DMC1: variants seen among roughly 807,000 people sequenced by gnomAD.
DMC1 encodes meiotic recombination protein DMC1 homolog.
In DMC1, 27 loss-of-function variants were observed where a neutral mutation model predicts 50.1. That is an observed-to-expected ratio of 0.54 (90% CI 0.40 to 0.74). The LOEUF is 0.74. Among genes scored for constraint, DMC1 ranks in the 30% least tolerant of loss-of-function variants. DMC1 has a pLI of 0.00. For missense variants in DMC1, 295 were observed against 420.2 expected, an observed-to-expected ratio of 0.70 and a Z score of 2.60; for synonymous variants, 148 against 136.1, an observed-to-expected ratio of 1.09 and a Z score of -0.61.
chr22:38,514,352 C>A (rs1304432641), downstream of DMC1, among the ~76,000 whole-genome samples: 1 of 137,906 alleles, frequency 7.3e-6, no homozygotes, highest in Non-Finnish European at 1.5e-5. Context: ...TCAAGCGATT[C>A]TTCTGCCTCA....
intron 6 of DMC1, among the ~76,000 whole-genome samples, chr22:38,554,680 A>T (rs966404694): frequency 3.4e-5 from 5 of 148,152 alleles, no homozygotes; most frequent in African/African-American, 4.9e-5. Context: ...TCTATTATTT[A>T]AAAAAAAAAA....
At chr22:38,565,396 G>A (rs565067480) in intron 4 of DMC1, among the ~76,000 whole-genome samples, 2 of 152,292 alleles carry the variant, frequency 1.3e-5, no homozygotes, top group Admixed American at 6.5e-5. Context: ...CCATTGCTAT[G>A]GCAACACCTG....
Position 38,540,036 on chromosome 22 carries a change from G to A in DMC1, c.495-624C>T, listed in dbSNP as rs2090263143. Among the ~76,000 whole-genome samples, 4 of 152,192 alleles carry A rather than the reference G, an allele frequency of 2.6e-5. No individual in the cohort carries two copies. In the South Asian group the frequency reaches 8.3e-4, roughly 32 times the overall value. On this transcript the variant is annotated intron_variant, in intron 8 of 13. Transcript: ENST00000216024. ...TTCAAGGGCCCAGAAGAGAAATATC[G>A]ACCAAAGGTTTTTTGTTGGCATAGG...
chr22:38,560,798 C>T (rs758772311), intron 5 of DMC1, among the ~76,000 whole-genome samples: 1 of 152,100 alleles, frequency 6.6e-6, no homozygotes, highest in South Asian at 2.1e-4. Context: ...CTTCAACAAT[C>T]GTCAACTATG....
At chr22:38,524,508 C>T (rs1292644380) in intron 12 of DMC1, among the ~76,000 whole-genome samples, 9 of 152,234 alleles carry the variant, frequency 5.9e-5, no homozygotes, top group East Asian at 3.9e-4. Flanking sequence ...TCAACTTCTT[C>T]TTTCTGTCCA....
chr22:38,513,967 G>A (rs959468074), downstream of DMC1, among the ~76,000 whole-genome samples: 2 of 152,230 alleles, frequency 1.3e-5, no homozygotes, highest in South Asian at 4.1e-4. Context: ...ACTGTGTGGG[G>A]AAGGCCTGTT....
intron 8 of DMC1, among the ~76,000 whole-genome samples, chr22:38,541,543 C>A (rs1241452742): frequency 6.6e-6 from 1 of 152,194 alleles, no homozygotes; most frequent in African/African-American, 2.4e-5. Flanking sequence ...CCACCCACCT[C>A]GGCCTCTCAA....
At chr22:38,547,873 C>T (rs2090361262) in intron 8 of DMC1, among the ~76,000 whole-genome samples, 1 of 152,092 alleles carries the variant, frequency 6.6e-6, no homozygotes, top group East Asian at 1.9e-4. Context: ...ATACTGCCTC[C>T]CTCCCTTGTT....
chr22:38,534,428 C>T (rs893981982), intron 12 of DMC1, among the ~76,000 whole-genome samples: 1 of 152,160 alleles, frequency 6.6e-6, no homozygotes, highest in Non-Finnish European at 1.5e-5. Context: ...ACAGGCTGGG[C>T]GTAGTGGCTC....
chr22:38,560,871 TTAAGCATATAC>T (rs1480805684), intron 5 of DMC1, among the ~76,000 whole-genome samples: 1 of 152,176 alleles, frequency 6.6e-6, no homozygotes, highest in Non-Finnish European at 1.5e-5. Flanking sequence ...CCATATTATT[TTAAGCATATAC>T]TAAGCAACAT....
In DMC1 at chr22:38,519,839, A is replaced by G; in HGVS notation, c.*181T>C. On this transcript the variant is annotated 3_prime_UTR_variant, in exon 14 of 14. Coordinates refer to ENST00000216024, the MANE Select transcript of DMC1 (RefSeq NM_007068.4). ...ATACATATCCCTGAATTTACATACA[A>G]TGTATAGTTATCATAAATCAGGGAC... The G allele has an allele frequency of 1.7e-6, 1 of 583,656 alleles. No homozygotes were observed. Among genetic ancestry groups the G allele is most frequent in the Non-Finnish European group, 3.1e-6 (1 of 319,098 alleles). The allele number at this position is 583,656 out of a possible 1,614,324, so 36.2% of individuals were successfully genotyped here.
intron 12 of DMC1, among the ~76,000 whole-genome samples, chr22:38,532,053 A>AT (rs1169175825): frequency 6.6e-6 from 1 of 152,064 alleles, no homozygotes; most frequent in Non-Finnish European, 1.5e-5. Flanking sequence ...ATTGCTCTTT[A>AT]ACTTGTACTG....
chr22:38,517,583 A>G (rs564921389), downstream of DMC1, among the ~76,000 whole-genome samples: 1 of 152,238 alleles, frequency 6.6e-6, no homozygotes, highest in East Asian at 1.9e-4. Flanking sequence ...ACAAAAAACA[A>G]AACAAAAAAC....
At chr22:38,548,581 GA>G (rs1225324502) in intron 8 of DMC1, among the ~76,000 whole-genome samples, 3 of 151,772 alleles carry the variant, frequency 2.0e-5, no homozygotes, top group African/African-American at 7.3e-5. Flanking sequence ...CTCAAAAGAA[GA>G]AAAAAATTAG....
chr22:38,555,848 T>C (rs922427746), intron 5 of DMC1, among the ~76,000 whole-genome samples: 3 of 151,846 alleles, frequency 2.0e-5, no homozygotes, highest in Admixed American at 6.6e-5. Flanking sequence ...TTTTTTTTTT[T>C]CGAGATGGAG....
At chr22:38,534,663 GCTGCACT>G (rs2090190825) in intron 12 of DMC1, among the ~76,000 whole-genome samples, 1 of 146,396 alleles carries the variant, frequency 6.8e-6, no homozygotes, top group Non-Finnish European at 1.5e-5. Context: ...AGATGGTGCT[GCTGCACT>G]CCAGCCTGAG....
chr22:38,557,953 G>GTTTTTTTTTTT (rs1555940699), intron 5 of DMC1, among the ~76,000 whole-genome samples: 5 of 94,974 alleles, frequency 5.3e-5, no homozygotes, highest in African/African-American at 8.3e-5. Flanking sequence ...ATTAGACAAA[G>GTTTTTTTTTTT]TTCTTTTTTT....
intron 12 of DMC1, among the ~76,000 whole-genome samples, chr22:38,525,302 C>G (rs1836646041): frequency 6.6e-6 from 1 of 152,086 alleles, no homozygotes; most frequent in African/African-American, 2.4e-5. Context: ...ATCTTCAAAA[C>G]TGTAATTCAG....
chr22:38,561,493 T>TC (rs1287817876), intron 5 of DMC1, among the ~76,000 whole-genome samples: 5 of 152,102 alleles, frequency 3.3e-5, no homozygotes, highest in African/African-American at 1.2e-4. Flanking sequence ...AAAAAAGATG[T>TC]CAAGGATAAC....
Sources: allele counts gnomAD v4.1 joint callset (sites outside exome capture counted in the v4.1 genomes callset), GRCh38; gene constraint gnomAD v4.1.1; transcripts MANE v1.5; gene names NCBI Gene and HGNC (gene_info 2026-07-23, HGNC 2026-07-21).